The following CNOT4 variants were observed in gnomAD, a reference collection of about 807,000 sequenced individuals.
CNOT4 encodes the protein CCR4-NOT transcription complex subunit 4.
CNOT4 carries 8 observed loss-of-function variants against 73.8 expected under a neutral mutation model. The observed-to-expected ratio is 0.11, with a 90% confidence interval of 0.06 to 0.20. The LOEUF (loss-of-function observed/expected upper bound fraction) is 0.20. Among genes scored for constraint, CNOT4 ranks in the 10% least tolerant of loss-of-function variants. The probability of loss-of-function intolerance (pLI) is 1.00; values close to 1 mark genes in which losing one functional copy is unlikely to be tolerated. For missense variants in CNOT4, 564 were observed against 883.4 expected (o/e 0.64, Z 4.58); for synonymous variants, 293 against 321.1 (o/e 0.91, Z 0.94).
At chr7:135,504,212 C>G (rs1804185369) in intron 1 of CNOT4, among the ~76,000 whole-genome samples, 1 of 151,962 alleles carries the variant, frequency 6.6e-6, no homozygotes, top group African/African-American at 2.4e-5. Flanking sequence ...AAATTTCAGT[C>G]TAATTGCTTT....
At chr7:135,502,705 A>G (rs577050692) in intron 1 of CNOT4, among the ~76,000 whole-genome samples, 23 of 150,656 alleles carry the variant, frequency 1.5e-4, no homozygotes, top group Non-Finnish European at 2.5e-4. Flanking sequence ...AATCCCAGCT[A>G]CTGAGGAGGC....
chr7:135,402,514 T>A (rs551226160), intron 7 of CNOT4, among the ~76,000 whole-genome samples: 1 of 152,176 alleles, frequency 6.6e-6, no homozygotes, highest in Non-Finnish European at 1.5e-5. Flanking sequence ...TTTATTTATT[T>A]AAAGTAAAAA....
chr7:135,397,919 A>G (rs1796785474), intron 8 of CNOT4, among the ~76,000 whole-genome samples: 1 of 152,110 alleles, frequency 6.6e-6, no homozygotes, highest in South Asian at 2.1e-4. Flanking sequence ...AAAAAGACCA[A>G]TAACATTAGC....
Position 135,398,223 on chromosome 7 carries a change from G to A in CNOT4, c.825C>T (p.Pro275=), listed in dbSNP as rs1160982333. The change falls in exon 8 of 12, where the codon CCC becomes CCT. Residue 275 remains proline, a synonymous_variant. Coordinates refer to ENST00000541284, the MANE Select transcript of CNOT4 (RefSeq NM_001190850.2). ...TGAGAGAATCTGAAGGTTTGTCAAT[G>A]GGGCTATAAAAAGAAAACAAATTGA... ...KVTPLQRYDT[P]IDKPSDSLSI... 30 of 1,507,648 alleles carry A rather than the reference G, an allele frequency of 2.0e-5. No individual in the cohort carries two copies. The highest frequency in any genetic ancestry group is 2.8e-5 in the Non-Finnish European group (30 of 1,085,080). 93.4% of individuals were successfully genotyped at this position (1,507,648 alleles called of 1,614,324 possible). A position where few individuals can be genotyped will look rare whatever the true frequency, so the allele number is the denominator to read the frequency against.
intron 1 of CNOT4, among the ~76,000 whole-genome samples, chr7:135,466,257 G>A (rs995113928): frequency 4.0e-5 from 6 of 151,508 alleles, no homozygotes; most frequent in African/African-American, 7.3e-5. Context: ...TGAGGTGGGC[G>A]GATCATGTGA....
chr7:135,441,004 A>G (rs1799447897), intron 1 of CNOT4, among the ~76,000 whole-genome samples: 1 of 152,234 alleles, frequency 6.6e-6, no homozygotes, highest in East Asian at 1.9e-4. Context: ...ATATAACATA[A>G]GGTATGTTGA....
intron 1 of CNOT4, among the ~76,000 whole-genome samples, chr7:135,463,417 A>C (rs932433244): frequency 2.0e-5 from 3 of 151,922 alleles, no homozygotes; most frequent in Non-Finnish European, 4.4e-5. Context: ...AGGCGCCTGT[A>C]ATCTCGGCTA....
intron 1 of CNOT4, among the ~76,000 whole-genome samples, chr7:135,484,018 A>G (rs1802558392): frequency 6.6e-6 from 1 of 152,040 alleles, no homozygotes; most frequent in South Asian, 2.1e-4. Context: ...ACATGGTAGA[A>G]CCCCGTCTCT....
Position 135,394,144 on chromosome 7 carries a change from A to G in CNOT4, c.1401T>C (p.Ser467=), listed in dbSNP as rs980810891. ...AAATNANSLN[S]TFSVLPQRFP... is the part of the protein sequence containing the mutation. The stretch of plus-strand genomic sequence containing the variant: ...ACCTCTGGGGCAAGACTGAAAAGGT[A>G]CTATTGAGAGAATTGGCATTTGTAG... Residue 467 remains serine (S), a synonymous_variant, in exon 10 of 12, where the codon AGT becomes AGC. Transcript: ENST00000541284. 4.3e-6 allele frequency: 7 copies of G among 1,614,214 alleles called. No homozygotes were observed. Among genetic ancestry groups the G allele is most frequent in the Non-Finnish European group, 5.1e-6 (6 of 1,180,024 alleles).
intron 1 of CNOT4, among the ~76,000 whole-genome samples, chr7:135,478,748 C>T (rs751148080): frequency 1.8e-4 from 28 of 152,060 alleles, no homozygotes; most frequent in African/African-American, 6.5e-4. Flanking sequence ...CATCAAAAAT[C>T]TTCAAAATCT....
chr7:135,401,139 A>C (rs1796979910), intron 7 of CNOT4, among the ~76,000 whole-genome samples: 1 of 152,186 alleles, frequency 6.6e-6, no homozygotes, highest in South Asian at 2.1e-4. Flanking sequence ...TTATCTTGAG[A>C]CTACGACCAA....
At chr7:135,449,828 G>T (rs55669941) in intron 1 of CNOT4, among the ~76,000 whole-genome samples, 4,757 of 146,546 alleles carry the variant, frequency 0.032, 106 homozygotes, top group Middle Eastern at 0.07. Context: ...AATATTGTGG[G>T]TTTTTTTTTT....
rs374137937 is a variant in CNOT4, at chr7:135,484,627, T to C, written c.-93+25262A>G. Among the ~76,000 whole-genome samples, 17 of 151,984 alleles carry C rather than the reference T, an allele frequency of 1.1e-4. No homozygotes were observed. In the East Asian group the frequency reaches 3.3e-3, roughly 30 times the overall value. On this transcript the variant is annotated intron_variant, in intron 1 of 11. Transcript: ENST00000541284. ...AAAAATTAGCTGGGTGTGGTGGTGT[T>C]ACCTGTAATTCCAACTACTTGGGAG...
At chr7:135,501,530 G>A (rs917256614) in intron 1 of CNOT4, among the ~76,000 whole-genome samples, 13 of 152,128 alleles carry the variant, frequency 8.5e-5, no homozygotes, top group Admixed American at 3.3e-4. Context: ...CCTTACCTCA[G>A]TGGCTTGGTC....
At chr7:135,437,677 G>C (rs551603943) in intron 2 of CNOT4, among the ~76,000 whole-genome samples, 1 of 152,134 alleles carries the variant, frequency 6.6e-6, no homozygotes, top group Non-Finnish European at 1.5e-5. Flanking sequence ...CTCAAGAAAT[G>C]AGCATTTATT....
chr7:135,493,304 G>A (rs1448776927), intron 1 of CNOT4, among the ~76,000 whole-genome samples: 1 of 152,178 alleles, frequency 6.6e-6, no homozygotes, highest in Non-Finnish European at 1.5e-5. Context: ...TGGGACTGCA[G>A]GTGTATACTA....
chr7:135,433,679 T>C (rs1355704988), intron 2 of CNOT4, among the ~76,000 whole-genome samples: 2 of 152,132 alleles, frequency 1.3e-5, no homozygotes, highest in African/African-American at 2.4e-5. Context: ...TTTTGTTTCA[T>C]AGATACATTA....
chr7:135,398,293 C>T, intron 7 of CNOT4, 67 bp from the exon 8 acceptor site: 1 of 803,548 alleles, frequency 1.2e-6, no homozygotes, highest in Non-Finnish European at 2.1e-6. Flanking sequence ...AAACAAACTC[C>T]TCAAAAGAAA....
At chr7:135,430,704 A>G (rs1242054774) in intron 2 of CNOT4, among the ~76,000 whole-genome samples, 4 of 152,216 alleles carry the variant, frequency 2.6e-5, no homozygotes, top group Non-Finnish European at 5.9e-5. Flanking sequence ...AGAAAAAAGT[A>G]TAACCATCTC....
Sources: gnomAD v4.1 joint callset for allele counts (sites outside exome capture counted in the v4.1 genomes callset) on GRCh38, gnomAD v4.1.1 for gene constraint, MANE v1.5 for transcripts, NCBI Gene and HGNC (gene_info 2026-07-23, HGNC 2026-07-21) for gene names.